The following SH2D7 variants were observed in gnomAD, a reference collection of about 807,000 sequenced individuals.
SH2D7 encodes SH2 domain-containing protein 7.
A neutral mutation model predicts 40.8 loss-of-function variants in SH2D7; 32 were observed. That is an observed-to-expected ratio of 0.78 (90% CI 0.59 to 1.05). The LOEUF (loss-of-function observed/expected upper bound fraction) is 1.05, where lower values mean the gene tolerates loss of function less well. Among genes scored for constraint, SH2D7 ranks in the 50% least tolerant of loss-of-function variants. SH2D7 has a pLI of 0.00. For synonymous variants in SH2D7, 195 were observed against 221.5 expected (o/e 0.88, Z 1.06); for missense variants, 559 against 566.6 (o/e 0.99, Z 0.14).
rs1302232657 is a variant in SH2D7, at chr15:78,096,673, T to TA, written c.267-1254dup. Among the ~76,000 whole-genome samples the TA allele has an allele frequency of 2.0e-5, 3 of 151,124 alleles. No homozygotes were observed. The East Asian group carries it at 5.8e-4, about 29-fold the overall frequency. ...ACGACACCGGCTATTTTTTTTTTTTTAATTTTTAGTAGAGATGGGGTTTCA... is the reference window on the plus strand; with the variant it reads ...ACGACACCGGCTATTTTTTTTTTTTTAAATTTTTAGTAGAGATGGGGTTTCA... On this transcript the variant is annotated intron_variant, in intron 2 of 5. Coordinates refer to ENST00000328828, the MANE Select transcript of SH2D7 (RefSeq NM_001101404.2).
At chr15:78,090,720 A>T (rs1293141805), upstream of SH2D7, among the ~76,000 whole-genome samples, 1 of 152,134 alleles carries the variant, frequency 6.6e-6, no homozygotes, top group Non-Finnish European at 1.5e-5. Flanking sequence ...TAAGGATTTA[A>T]CTAATCTAAC....
chr15:78,094,006 G>A (rs2073955103), intron 1 of SH2D7, 106 bp from the exon 2 acceptor site: 2 of 1,130,996 alleles, frequency 1.8e-6, no homozygotes, highest in Non-Finnish European at 2.5e-6. Context: ...TTGGAGGTCT[G>A]GAACCCAAAG....
At chr15:78,100,736 G>A (rs2141874236) in intron 4 of SH2D7, among the ~76,000 whole-genome samples, 163 bp from the exon 5 acceptor site, 1 of 152,278 alleles carries the variant, frequency 6.6e-6, no homozygotes, top group South Asian at 2.1e-4. Context: ...TAGAGCATGA[G>A]CGCTGGAAGG....
chr15:78,098,216 G>T (rs757508969), intron 3 of SH2D7, 122 bp downstream of exon 3: 98 of 1,421,704 alleles, frequency 6.9e-5, no homozygotes, highest in Non-Finnish European at 8.9e-5. Context: ...GGGGCACTTG[G>T]TGTGGGGTCA....
chr15:78,095,233 G>T (rs1184514086), intron 2 of SH2D7, among the ~76,000 whole-genome samples: 2 of 152,194 alleles, frequency 1.3e-5, no homozygotes, highest in Non-Finnish European at 2.9e-5. Context: ...ATGTAGTAAG[G>T]ACTTTAAATA....
chr15:78,090,356 G>A (rs1024722837), upstream of SH2D7, among the ~76,000 whole-genome samples: 2 of 152,068 alleles, frequency 1.3e-5, no homozygotes, highest in African/African-American at 2.4e-5. Flanking sequence ...TGCAGTGAAC[G>A]GAGATCGTGC....
chr15:78,097,626 C>G lies in SH2D7; in HGVS notation c.267-303C>G, dbSNP rs2289525. Among the ~76,000 whole-genome samples the G allele has an allele frequency of 8.9e-4, 136 of 152,006 alleles. 1 individual carries two copies. The highest frequency in any genetic ancestry group is 3.1e-3 in the African/African-American group (127 of 41,416). Reference sequence around the variant, plus strand: ...AGTTTTTTGGTGCCCCTTTAAATTTCGCACCTAAGATGAGTGCCTCACTTG... The same window carrying G: ...AGTTTTTTGGTGCCCCTTTAAATTTGGCACCTAAGATGAGTGCCTCACTTG... On this transcript the variant is annotated intron_variant, in intron 2 of 5. Coordinates refer to ENST00000328828, the MANE Select transcript of SH2D7 (RefSeq NM_001101404.2).
rs1344511830 is a variant in SH2D7 at position 78,092,772 on chromosome 15, T to C, written c.176+12T>C. 7 of 1,602,992 alleles carry C rather than the reference T, an allele frequency of 4.4e-6. No homozygotes were observed. Among genetic ancestry groups the C allele is most frequent in the Non-Finnish European group, 5.1e-6 (6 of 1,173,216 alleles). On this transcript the variant is annotated intron_variant, in intron 1 of 5. Coordinates refer to ENST00000328828, the MANE Select transcript of SH2D7 (RefSeq NM_001101404.2). ...TTCATCACCCGCAAGTAAGGCTGCT[T>C]CTACCCACAGGTCCCTCATAGCCCA...
chr15:78,090,279 G>A (rs772886806), upstream of SH2D7, among the ~76,000 whole-genome samples: 7 of 152,074 alleles, frequency 4.6e-5, no homozygotes, highest in Non-Finnish European at 7.4e-5. Flanking sequence ...ATGGTGGCAC[G>A]CGCCTGTAGT....
At chr15:78,094,305 G>T in intron 2 of SH2D7, 104 bp downstream of exon 2, 1 of 1,044,610 alleles carries the variant, frequency 9.6e-7, no homozygotes, top group East Asian at 2.6e-5. Context: ...GATTTCCCTG[G>T]GTCCTGACTC....
At chr15:78,100,786 CAGG>C (rs2141874282) in intron 4 of SH2D7, 110 bp from the exon 5 acceptor site, 1 of 1,158,896 alleles carries the variant, frequency 8.6e-7, no homozygotes, top group Non-Finnish European at 1.2e-6. Context: ...CATGTACGGG[CAGG>C]AGGACTATAG....
chr15:78,091,532 A>C (rs1333325102), upstream of SH2D7, among the ~76,000 whole-genome samples: 5 of 152,132 alleles, frequency 3.3e-5, no homozygotes, highest in Non-Finnish European at 7.4e-5. Context: ...AGTATCACCA[A>C]GATCCTTGAG....
intron 1 of SH2D7, among the ~76,000 whole-genome samples, 173 bp downstream of exon 1, chr15:78,092,933 G>A (rs1195312857): frequency 1.3e-5 from 2 of 152,076 alleles, no homozygotes; most frequent in Admixed American, 6.5e-5. Flanking sequence ...CTCTGGTGGT[G>A]GCTTCTGTAG....
chr15:78,101,666 C>CTATG, intron 5 of SH2D7, 108 bp downstream of exon 5: 1 of 1,295,874 alleles, frequency 7.7e-7, no homozygotes, highest in East Asian at 2.5e-5. Flanking sequence ...CCGCCACTGC[C>CTATG]TGGAAGTACA....
chr15:78,101,511 G>A lies in SH2D7; in HGVS notation c.1258G>A (p.Glu420Lys), dbSNP rs768754310. The A allele has an allele frequency of 7.3e-5, 118 of 1,608,002 alleles. 1 individual carries two copies. The highest frequency in any genetic ancestry group is 3.4e-6 in the Non-Finnish European group (4 of 1,177,928). The change falls in exon 5 of 6, where the codon GAA (glutamate) becomes AAA (lysine). Residue 420 changes from glutamate to lysine, a missense_variant. Coordinates refer to ENST00000328828, the MANE Select transcript of SH2D7 (RefSeq NM_001101404.2). ...PELSEPGNTY[E>K]QIPATKSKET... ...GCTCTCAGAGCCTGGGAACACCTAT[G>A]AACAGATCCCAGCAACCAAGAGCAA...
At position 78,103,723 on chromosome 15, in the gene SH2D7, G is replaced by A. The variant is rs1007811677; in HGVS notation, c.*208G>A. ...GCAGGTGCCTGCAGCTCCTGGCTAT[G>A]TCCTGCTTTCCTTGTGCCTCCCATC... On this transcript the variant is annotated 3_prime_UTR_variant, in exon 6 of 6. Coordinates refer to ENST00000328828, the MANE Select transcript of SH2D7 (RefSeq NM_001101404.2). 8 of 584,854 alleles carry A rather than the reference G, an allele frequency of 1.4e-5. No individual in the cohort carries two copies. In the African/African-American group the frequency reaches 1.5e-4, roughly 11 times the overall value. The allele number at this position is 584,854 out of a possible 1,614,324, so 36.2% of individuals were successfully genotyped here. A position where few individuals can be genotyped will look rare whatever the true frequency, so the allele number is the denominator to read the frequency against.
Position 78,101,128 on chromosome 15 carries a change from C to T in SH2D7, c.875C>T (p.Pro292Leu). ...CTCTCAGATGGAGAACAGAACAGGC[C>T]TGATGGCCTGGGGCCTGTCCTTTCT... is the stretch of plus-strand genomic sequence containing the variant. ...RRLSDGEQNR[P>L]DGLGPVLSGV... Residue 292 changes from proline (P) to leucine (L), a missense_variant, in exon 5 of 6, where the codon CCT (proline) becomes CTT (leucine). Transcript: ENST00000328828. 2 of 1,561,540 alleles carry T rather than the reference C, an allele frequency of 1.3e-6. No individual in the cohort carries two copies. The highest frequency in any genetic ancestry group is 1.7e-6 in the Non-Finnish European group (2 of 1,158,072).
intron 2 of SH2D7, among the ~76,000 whole-genome samples, chr15:78,094,690 A>G (rs900308346): frequency 2.6e-5 from 4 of 152,182 alleles, no homozygotes; most frequent in South Asian, 4.1e-4. Context: ...ATGGCCTTGG[A>G]TGCCTGGCTA....
upstream of SH2D7, chr15:78,092,482 GC>G (rs2073945393): frequency 1.1e-5 from 15 of 1,309,184 alleles, no homozygotes; most frequent in Admixed American, 5.1e-5. Context: ...TGTGCTATGG[GC>G]CCTTGGGTAG....
Sources: gnomAD v4.1 joint callset for allele counts (sites outside exome capture counted in the v4.1 genomes callset) on GRCh38, gnomAD v4.1.1 for gene constraint, MANE v1.5 for transcripts, NCBI Gene and HGNC (gene_info 2026-07-23, HGNC 2026-07-21) for gene names.